Variants in MKLN1 observed in about 807,000 individuals in gnomAD.
The protein encoded by MKLN1 is muskelin 1.
Under a neutral mutation model 99.0 loss-of-function variants are expected in MKLN1, and 18 were observed. The observed-to-expected ratio is 0.18, with a 90% confidence interval of 0.13 to 0.27. The LOEUF (loss-of-function observed/expected upper bound fraction) is 0.27. Ranked by LOEUF, MKLN1 falls within the 10% of genes least tolerant of loss-of-function variation. The pLI is 1.00. For missense variants in MKLN1, 621 were observed against 875.9 expected, an observed-to-expected ratio of 0.71 and a Z score of 3.67; for synonymous variants, 288 against 293.2, an observed-to-expected ratio of 0.98 and a Z score of 0.18.
chr7:131,476,487 G>A (rs1796971669), intron 16 of MKLN1, among the ~76,000 whole-genome samples: 1 of 152,016 alleles, frequency 6.6e-6, no homozygotes, highest in African/African-American at 2.4e-5. Context: ...GCAATTATTA[G>A]CAATTTTTAT....
At chr7:131,286,798 G>A (rs140563862) in intron 3 of MKLN1, among the ~76,000 whole-genome samples, 25 of 152,314 alleles carry the variant, frequency 1.6e-4, no homozygotes, top group African/African-American at 5.5e-4. Context: ...TGAGGCATAT[G>A]AGTGGTCCCA....
intron 8 of MKLN1, among the ~76,000 whole-genome samples, chr7:131,417,207 A>G (rs1795045703): frequency 6.6e-6 from 1 of 152,148 alleles, no homozygotes; most frequent in Non-Finnish European, 1.5e-5. Flanking sequence ...TCCACACTTC[A>G]ATATTGACAC....
At chr7:131,403,477 C>T (rs1794611024) in intron 6 of MKLN1, among the ~76,000 whole-genome samples, 1 of 152,156 alleles carries the variant, frequency 6.6e-6, no homozygotes, top group Admixed American at 6.5e-5. Context: ...CTTGTAATTT[C>T]CTTCAAGAAC....
intron 3 of MKLN1, among the ~76,000 whole-genome samples, chr7:131,208,508 T>G (rs1412774087): frequency 1.3e-5 from 2 of 152,084 alleles, no homozygotes; most frequent in African/African-American, 4.8e-5. Flanking sequence ...GGCAGGAGGA[T>G]TGCCTGAGCC....
Position 131,343,773 on chromosome 7 carries a change from C to T in MKLN1, c.98+15776C>T, listed in dbSNP as rs140263931. Among the ~76,000 whole-genome samples, 120 of 151,998 alleles carry T rather than the reference C, an allele frequency of 7.9e-4. 1 individual carries two copies. Among genetic ancestry groups the T allele is most frequent in the African/African-American group, 2.6e-3 (109 of 41,472 alleles). On this transcript the variant is annotated intron_variant, in intron 1 of 17. Coordinates refer to ENST00000352689, the MANE Select transcript of MKLN1 (RefSeq NM_013255.5). ...TTTATGGTATTCTAACCTGCTTTTC[C>T]GGGGCATACAGGGCAGCACTTATTT...
chr7:131,494,533 C>T lies in MKLN1; in HGVS notation c.*6805C>T, dbSNP rs530177301. The T allele has an allele frequency of 2.0e-5, 3 of 152,048 alleles. No homozygotes were observed. The East Asian group carries it at 5.8e-4, about 29-fold the overall frequency. 9.4% of individuals were successfully genotyped at this position (152,048 alleles called of 1,614,324 possible). A position where few individuals can be genotyped will look rare whatever the true frequency, so the allele number is the denominator to read the frequency against. ...AAAAGGTTACTTAGGAGTAGTCTTC[C>T]GTGGGGGAAGATAAATTTATTAAAG... On this transcript the variant is annotated 3_prime_UTR_variant, in exon 18 of 18. Transcript: ENST00000352689.
intron 17 of MKLN1, among the ~76,000 whole-genome samples, chr7:131,481,815 A>G (rs1178724187): frequency 7.1e-5 from 1 of 14,064 alleles, no homozygotes; most frequent in Non-Finnish European, 1.4e-4. Context: ...AAGGTCTGCA[A>G]AAAAAAAAAA....
intron 2 of MKLN1, among the ~76,000 whole-genome samples, chr7:131,153,224 T>C (rs1795915289): frequency 6.6e-6 from 1 of 152,130 alleles, no homozygotes; most frequent in Admixed American, 6.6e-5. Context: ...GTTTGCTTTG[T>C]CTTATTTTTA....
intron 8 of MKLN1, among the ~76,000 whole-genome samples, chr7:131,422,493 G>A (rs904288132): frequency 2.0e-5 from 3 of 152,194 alleles, no homozygotes; most frequent in South Asian, 4.1e-4. Context: ...GTTCGAGGCT[G>A]CAGTGAGCTA....
intron 1 of MKLN1, among the ~76,000 whole-genome samples, chr7:131,124,325 AACCTGGGGGCTGAAC>A (rs1178127890): frequency 6.6e-6 from 1 of 152,224 alleles, no homozygotes; most frequent in Non-Finnish European, 1.5e-5. Flanking sequence ...GAAACCCGCA[AACCTGGGGGCTGAAC>A]ACCTGGCCGA....
chr7:131,407,735 T>C (rs71578972), intron 6 of MKLN1, among the ~76,000 whole-genome samples: 1 of 151,504 alleles, frequency 6.6e-6, no homozygotes, highest in East Asian at 1.9e-4. Flanking sequence ...TGTGCCTTTG[T>C]GTATGCTGTA....
chr7:131,110,555 C>G (rs1048427751), intron 1 of MKLN1, among the ~76,000 whole-genome samples: 6 of 152,178 alleles, frequency 3.9e-5, no homozygotes, highest in African/African-American at 1.4e-4. Context: ...TTCCCAGAGC[C>G]TTGCTGCGCT....
At chr7:131,389,902 A>C (rs1413523415) in intron 4 of MKLN1, among the ~76,000 whole-genome samples, 3 of 146,966 alleles carry the variant, frequency 2.0e-5, no homozygotes, top group East Asian at 2.0e-4. Flanking sequence ...AAAAAAAACC[A>C]AAAAAAAAAT....
intron 1 of MKLN1, among the ~76,000 whole-genome samples, chr7:131,132,225 T>C (rs1051838679): frequency 2.0e-5 from 3 of 152,198 alleles, no homozygotes; most frequent in East Asian, 3.8e-4. Context: ...GTCAGCAGTG[T>C]GGCTGTGAGA....
intron 1 of MKLN1, among the ~76,000 whole-genome samples, chr7:131,345,492 A>C (rs1371226403): frequency 1.3e-5 from 2 of 152,158 alleles, no homozygotes. Context: ...TGAGCAAGGG[A>C]GGATCATAGA....
chr7:131,466,147 A>G (rs936179887), intron 14 of MKLN1, 129 bp from the exon 15 acceptor site: 1 of 595,998 alleles, frequency 1.7e-6, no homozygotes, highest in Non-Finnish European at 2.6e-6. Context: ...AGCTTTTGGT[A>G]AAAATGCAGT....
chr7:131,157,023 G>A (rs1795979317), intron 2 of MKLN1, among the ~76,000 whole-genome samples: 1 of 152,082 alleles, frequency 6.6e-6, no homozygotes, highest in Non-Finnish European at 1.5e-5. Context: ...CGCTACTGAG[G>A]GTTGCTGTGG....
At chr7:131,140,505 T>C (rs1795715136) in intron 1 of MKLN1, among the ~76,000 whole-genome samples, 2 of 152,144 alleles carry the variant, frequency 1.3e-5, no homozygotes, top group South Asian at 4.1e-4. Flanking sequence ...GTTCTCGCTC[T>C]ATTAGTTCAC....
At chr7:131,219,373 G>A (rs1303199858) in intron 3 of MKLN1, among the ~76,000 whole-genome samples, 4 of 152,116 alleles carry the variant, frequency 2.6e-5, no homozygotes, top group African/African-American at 9.7e-5. Flanking sequence ...CTACACAACA[G>A]GACAAAGGCC....
Sources: allele counts gnomAD v4.1 joint callset (sites outside exome capture counted in the v4.1 genomes callset), GRCh38; gene constraint gnomAD v4.1.1; transcripts MANE v1.5; gene names NCBI Gene and HGNC (gene_info 2026-07-23, HGNC 2026-07-21).